Variants in TENM1 observed in about 807,000 individuals in gnomAD.
The protein encoded by TENM1 is teneurin transmembrane protein 1.
In TENM1, 35 loss-of-function variants were observed where a neutral mutation model predicts 174.8. That is an observed-to-expected ratio of 0.20 (90% CI 0.15 to 0.27). TENM1 has a LOEUF of 0.27. TENM1 is among the 10% of genes least tolerant of loss of function. TENM1 has a pLI of 1.00. For missense variants in TENM1, 1,633 were observed against 2,130.1 expected (o/e 0.77, Z 4.59); for synonymous variants, 781 against 798.7 (o/e 0.98, Z 0.37).
chrX:125,102,582 C>T, the TENM1 span, among the ~76,000 whole-genome samples: 1 of 111,792 alleles, frequency 8.9e-6, no homozygotes, highest in Non-Finnish European at 1.9e-5. Flanking sequence ...ACTAGGGCAC[C>T]ATCTGGTGCT....
At chrX:124,531,491 C>T (rs773398459) in intron 15 of TENM1, among the ~76,000 whole-genome samples, 21 of 111,990 alleles carry the variant, frequency 1.9e-4, no homozygotes, top group African/African-American at 5.2e-4. Flanking sequence ...TCCTCTTCTA[C>T]GTAAGGGCTT....
At chrX:125,130,898 A>T in the TENM1 span, among the ~76,000 whole-genome samples, 2 of 111,446 alleles carry the variant, frequency 1.8e-5, no homozygotes, top group African/African-American at 6.5e-5. Flanking sequence ...CTCGGTAAAT[A>T]AAAAAGCAGG....
At chrX:124,597,426 G>T (rs767083185) in intron 11 of TENM1, among the ~76,000 whole-genome samples, 1 of 111,855 alleles carries the variant, frequency 8.9e-6, no homozygotes, top group South Asian at 3.8e-4. Flanking sequence ...CTCAGGAATG[G>T]AAAACCGAAC....
At chrX:125,064,362 G>C in the TENM1 span, among the ~76,000 whole-genome samples, 1 of 111,088 alleles carries the variant, frequency 9.0e-6, no homozygotes, top group African/African-American at 3.3e-5. Context: ...GTTCAGGAGA[G>C]CACATATCAG....
intron 7 of TENM1, among the ~76,000 whole-genome samples, chrX:124,652,776 T>TA (rs1368475388): frequency 1.9e-3 from 208 of 112,304 alleles, no homozygotes; most frequent in African/African-American, 6.3e-3. Flanking sequence ...CTCTCCATTT[T>TA]TTCTAATCAG....
At chrX:124,798,066 C>T (rs2055348302) in intron 3 of TENM1, among the ~76,000 whole-genome samples, 1 of 111,704 alleles carries the variant, frequency 9.0e-6, no homozygotes, top group Admixed American at 9.5e-5. Context: ...ATATATGTGC[C>T]ACATTTTCTT....
At chrX:125,000,581 G>A in the TENM1 span, among the ~76,000 whole-genome samples, 30 of 112,082 alleles carry the variant, frequency 2.7e-4, no homozygotes, top group African/African-American at 9.1e-4. Context: ...AGCAGAAGAT[G>A]CTTGTCTTCA....
the TENM1 span, among the ~76,000 whole-genome samples, chrX:125,104,363 C>T: frequency 8.9e-6 from 1 of 112,016 alleles, no homozygotes. Flanking sequence ...CAGTTACTTC[C>T]CAAACTCTTC....
intron 1 of TENM1, among the ~76,000 whole-genome samples, chrX:124,942,439 TC>T (rs772077251): frequency 1.8e-5 from 2 of 111,158 alleles, no homozygotes; most frequent in African/African-American, 3.3e-5. Flanking sequence ...GATTATGCTT[TC>T]CCCCCCGCCC....
chrX:124,416,606 C>T (rs1200068433), intron 25 of TENM1, among the ~76,000 whole-genome samples: 2 of 112,035 alleles, frequency 1.8e-5, no homozygotes, highest in Non-Finnish European at 3.8e-5. Flanking sequence ...TTTGGTCCCT[C>T]ATGTGTCACA....
intron 25 of TENM1, among the ~76,000 whole-genome samples, chrX:124,411,226 C>T (rs377759806): frequency 4.9e-4 from 55 of 111,469 alleles, no homozygotes; most frequent in African/African-American, 1.6e-3. Flanking sequence ...CCCATATTGA[C>T]GGTGGTATAT....
At chrX:124,925,309 A>G (rs1047970154) in intron 1 of TENM1, among the ~76,000 whole-genome samples, 1 of 111,148 alleles carries the variant, frequency 9.0e-6, no homozygotes, top group African/African-American at 3.3e-5. Flanking sequence ...TATTAGGTTA[A>G]TAAATTACTT....
intron 15 of TENM1, among the ~76,000 whole-genome samples, chrX:124,546,009 G>A (rs1435908941): frequency 2.7e-5 from 3 of 112,056 alleles, no homozygotes; most frequent in Non-Finnish European, 5.6e-5. Context: ...GGTCAAGATG[G>A]AGTTGTAATT....
chrX:124,721,979 T>C (rs1159562071), intron 4 of TENM1, among the ~76,000 whole-genome samples: 1 of 112,368 alleles, frequency 8.9e-6, no homozygotes, highest in Non-Finnish European at 1.9e-5. Flanking sequence ...CCTTTTGATT[T>C]TGACAGACAA....
rs2049949906 is a variant in TENM1, at chrX:124,598,232, A to G, written c.2078-32672T>C. Among the ~76,000 whole-genome samples the G allele has an allele frequency of 4.2e-5, 3 of 70,686 alleles. No individual in the cohort carries two copies. In the South Asian group the frequency reaches 1.9e-3, roughly 46 times the overall value. The allele number at this position is 70,686 out of a possible 115,157, so 61.4% of individuals were successfully genotyped here. A position where few individuals can be genotyped will look rare whatever the true frequency, so the allele number is the denominator to read the frequency against. The stretch of plus-strand genomic sequence containing the variant: ...CATACATCCAAAGACAGTTATTACA[A>G]ATGCTAGTGAGGATATGGACAAAAG... On this transcript the variant is annotated intron_variant, in intron 11 of 31. Transcript: ENST00000422452.
the TENM1 span, among the ~76,000 whole-genome samples, chrX:125,039,825 C>CTTTTTTTTTTTTTTTTTTTTTTTTTT: frequency 5.4e-5 from 6 of 111,341 alleles, no homozygotes; most frequent in African/African-American, 2.0e-4. Context: ...TGAGCCTTTT[C>CTTTTTTTTTTTTTTTTTTTTTTTTTT]TTATTAACCT....
intron 28 of TENM1, among the ~76,000 whole-genome samples, chrX:124,389,866 G>T (rs982315652): frequency 8.9e-6 from 1 of 111,979 alleles, no homozygotes; most frequent in South Asian, 3.7e-4. Context: ...ATAATTATGC[G>T]TTCTGTAGGT....
chrX:125,113,586 A>G, the TENM1 span, among the ~76,000 whole-genome samples: 1 of 111,396 alleles, frequency 9.0e-6, no homozygotes, highest in African/African-American at 3.3e-5. Context: ...AAGCAAACAG[A>G]AAGCAAAAAA....
At chrX:124,704,974 G>C in intron 5 of TENM1, 39 bp downstream of exon 8, 1 of 1,084,419 alleles carries the variant, frequency 9.2e-7, no homozygotes, top group South Asian at 2.1e-5. Context: ...ACAAGACTTT[G>C]ATTAAGAACA....
Sources: gnomAD v4.1 joint callset for allele counts (sites outside exome capture counted in the v4.1 genomes callset) on GRCh38, gnomAD v4.1.1 for gene constraint, MANE v1.5 for transcripts, NCBI Gene and HGNC (gene_info 2026-07-23, HGNC 2026-07-21) for gene names.